Variants in SYNPO2 observed in about 807,000 individuals in gnomAD.
SYNPO2 encodes synaptopodin-2.
A neutral mutation model predicts 85.0 loss-of-function variants in SYNPO2; 56 were observed. The observed-to-expected ratio is 0.66, with a 90% CI of 0.53 to 0.82. The LOEUF (loss-of-function observed/expected upper bound fraction) is 0.82, where lower values mean the gene tolerates loss of function less well. SYNPO2 is among the 40% of genes least tolerant of loss of function. The pLI, the probability that SYNPO2 is intolerant of heterozygous loss-of-function variation, is 0.00. For missense variants in SYNPO2, 1,575 were observed against 1,534.2 expected, an observed-to-expected ratio of 1.03 and a Z score of -0.44; for synonymous variants, 602 against 591.1, an observed-to-expected ratio of 1.02 and a Z score of -0.27.
At chr4:119,028,425 T>C (rs1278720948) in intron 3 of SYNPO2, among the ~76,000 whole-genome samples, 2 of 152,154 alleles carry the variant, frequency 1.3e-5, no homozygotes, top group Admixed American at 6.5e-5. Flanking sequence ...GCAAGTGCTG[T>C]TAATCATTCC....
intron 4 of SYNPO2, among the ~76,000 whole-genome samples, chr4:119,054,979 A>G (rs1304305450): frequency 1.3e-5 from 2 of 152,204 alleles, no homozygotes; most frequent in Non-Finnish European, 2.9e-5. Context: ...TTCCACAGAA[A>G]GGACAAAAGT....
intron 4 of SYNPO2, chr4:119,042,868 G>A (rs1382476475): frequency 6.6e-6 from 1 of 152,166 alleles, no homozygotes; most frequent in Non-Finnish European, 1.5e-5. Flanking sequence ...AGAAAAGATG[G>A]TGACGTGTTG....
chr4:118,907,267 T>C (rs1237528681), intron 1 of SYNPO2, among the ~76,000 whole-genome samples: 1 of 152,230 alleles, frequency 6.6e-6, no homozygotes, highest in Non-Finnish European at 1.5e-5. Context: ...TTTTTATAAA[T>C]CTAACTTCTT....
chr4:118,997,006 C>T (rs1405611212), intron 1 of SYNPO2, among the ~76,000 whole-genome samples: 7 of 151,654 alleles, frequency 4.6e-5, no homozygotes, highest in Non-Finnish European at 8.8e-5. Context: ...TTTGGGAGGC[C>T]GAGGCGGGCG....
chr4:118,971,274 C>A (rs908984426), intron 1 of SYNPO2, among the ~76,000 whole-genome samples: 1 of 152,084 alleles, frequency 6.6e-6, no homozygotes, highest in South Asian at 2.1e-4. Context: ...GAAAACAAAG[C>A]GAACCCATGA....
chr4:118,923,832 C>G (rs1733620562), intron 1 of SYNPO2, among the ~76,000 whole-genome samples: 1 of 149,548 alleles, frequency 6.7e-6, no homozygotes, highest in East Asian at 2.0e-4. Context: ...TCCAGAACCA[C>G]TCTTATGGAA....
chr4:118,972,847 C>G (rs999063194), intron 1 of SYNPO2, among the ~76,000 whole-genome samples: 1 of 152,200 alleles, frequency 6.6e-6, no homozygotes, highest in Non-Finnish European at 1.5e-5. Flanking sequence ...ATTTCAGTGT[C>G]TTTCATTTGA....
chr4:118,850,954 C>T, intron 1 of SYNPO2: 1 of 398,634 alleles, frequency 2.5e-6, no homozygotes, highest in South Asian at 1.3e-4. Flanking sequence ...GGAAGAGAAG[C>T]AGAGATGAAT....
intron 1 of SYNPO2, among the ~76,000 whole-genome samples, chr4:118,875,365 A>G (rs976467528): frequency 6.6e-6 from 1 of 151,762 alleles, no homozygotes; most frequent in African/African-American, 2.4e-5. Context: ...TATGACAATA[A>G]TTTTGTAATA....
intron 1 of SYNPO2, among the ~76,000 whole-genome samples, chr4:118,976,296 C>G (rs1459500219): frequency 6.6e-6 from 1 of 151,980 alleles, no homozygotes; most frequent in East Asian, 1.9e-4. Context: ...TAAGGCAGCG[C>G]GTCTGGAGTT....
At chr4:119,018,309 G>GTGTATATGTACCGCTTT (rs1737594866) in intron 1 of SYNPO2, among the ~76,000 whole-genome samples, 1 of 152,156 alleles carries the variant, frequency 6.6e-6, no homozygotes, top group African/African-American at 2.4e-5. Context: ...ATATTCCACT[G>GTGTATATGTACCGCTTT]TGTATATGTA....
intron 1 of SYNPO2, among the ~76,000 whole-genome samples, chr4:118,982,369 C>T (rs1345468206): frequency 1.3e-5 from 2 of 152,148 alleles, no homozygotes; most frequent in Non-Finnish European, 2.9e-5. Context: ...TCTTCATAAC[C>T]CTCTCGGATG....
At chr4:119,006,287 T>C (rs11721416) in intron 1 of SYNPO2, 36,570 of 152,216 alleles carry the variant, frequency 0.24, 5,134 homozygotes, top group Non-Finnish European at 0.31. Context: ...ACTAACACTC[T>C]TAGGGACAGA....
At chr4:119,010,601 T>C (rs1158747826) in intron 1 of SYNPO2, among the ~76,000 whole-genome samples, 4 of 152,206 alleles carry the variant, frequency 2.6e-5, no homozygotes, top group Non-Finnish European at 5.9e-5. Context: ...ACTGTCTCCT[T>C]TGAGAAGCCT....
chr4:118,862,679 A>T (rs1731630609), intron 1 of SYNPO2, among the ~76,000 whole-genome samples: 2 of 152,118 alleles, frequency 1.3e-5, no homozygotes, highest in Admixed American at 1.3e-4. Context: ...AATAAATCCC[A>T]TTTGGTCATG....
At chr4:118,916,455 G>A (rs768756889) in intron 1 of SYNPO2, among the ~76,000 whole-genome samples, 3 of 151,992 alleles carry the variant, frequency 2.0e-5, no homozygotes, top group Non-Finnish European at 4.4e-5. Context: ...CTACAGGGGT[G>A]AGTCACAGAG....
At chr4:118,948,530 T>C (rs1734581499) in intron 1 of SYNPO2, among the ~76,000 whole-genome samples, 2 of 151,450 alleles carry the variant, frequency 1.3e-5, no homozygotes, top group African/African-American at 2.4e-5. Flanking sequence ...AAGAAAAGAG[T>C]TTTTATTTGG....
chr4:118,957,814 A>G (rs1476535947), intron 1 of SYNPO2, among the ~76,000 whole-genome samples: 1 of 152,240 alleles, frequency 6.6e-6, no homozygotes, highest in Non-Finnish European at 1.5e-5. Context: ...CCTATCTCGC[A>G]GATGGAGAGA....
At chr4:118,997,712 CCTT>C (rs951326001) in intron 1 of SYNPO2, among the ~76,000 whole-genome samples, 3 of 152,326 alleles carry the variant, frequency 2.0e-5, no homozygotes, top group African/African-American at 7.2e-5. Flanking sequence ...AGTCTGGCTG[CCTT>C]CTTCTCTGGG....
Sources: allele counts gnomAD v4.1 joint callset (sites outside exome capture counted in the v4.1 genomes callset), GRCh38; gene constraint gnomAD v4.1.1; transcripts MANE v1.5; gene names NCBI Gene and HGNC (gene_info 2026-07-23, HGNC 2026-07-21).